Variants in RBM33 observed in about 807,000 individuals in gnomAD.
RBM33 encodes the protein RNA binding motif protein 33.
Under a neutral mutation model 132.6 loss-of-function variants are expected in RBM33, and 28 were observed. The ratio of observed to expected loss-of-function variants is 0.21; its 90% CI spans 0.16 to 0.29. The LOEUF (loss-of-function observed/expected upper bound fraction) is 0.29, where lower values mean the gene tolerates loss of function less well. RBM33 is among the 10% of genes least tolerant of loss of function. RBM33 has a pLI of 1.00. For synonymous variants in RBM33, 634 were observed against 593.0 expected (o/e 1.07, Z -1.01); for missense variants, 1,291 against 1,518.5 (o/e 0.85, Z 2.49).
intron 9 of RBM33, among the ~76,000 whole-genome samples, chr7:155,732,378 A>G (rs1800980623): frequency 6.6e-6 from 1 of 152,212 alleles, no homozygotes; most frequent in African/African-American, 2.4e-5. Context: ...CCCTTTCTCT[A>G]AAAGTACATT....
At chr7:155,698,705 C>G (rs1396721917) in intron 5 of RBM33, among the ~76,000 whole-genome samples, 1 of 152,172 alleles carries the variant, frequency 6.6e-6, no homozygotes, top group Non-Finnish European at 1.5e-5. Flanking sequence ...TTCCTTCTTT[C>G]CTAACCACTG....
intron 2 of RBM33, among the ~76,000 whole-genome samples, chr7:155,669,268 A>G (rs1396970411): frequency 6.6e-6 from 1 of 152,192 alleles, no homozygotes; most frequent in Non-Finnish European, 1.5e-5. Context: ...TTGCTGAACC[A>G]ACACCTGAAA....
rs867847653 is a variant in RBM33 at position 155,774,614 on chromosome 7, C to T, written c.3431C>T (p.Ala1144Val). Residue 1144 changes from alanine (A) to valine (V), a missense_variant, in exon 17 of 18, where the codon GCC (alanine) becomes GTC (valine). Around this residue, in one of 7 missense-constraint regions of RBM33, gnomAD observed 55 missense variants for 101.4 expected, o/e 0.54. Coordinates refer to ENST00000401878, the MANE Select transcript of RBM33 (RefSeq NM_053043.3). This position sits in a 1 kb window ranked among gnomAD's most constrained non-coding sequence, Gnocchi z 4.2. ...GCCATAGCTAAGTTCAAGGAGCCAG[C>T]CCACGCATTAGCATTTCAGCAGAAA... ...RKAIAKFKEP[A>V]HALAFQQKFH... 6.2e-7 allele frequency: 1 copy of T among 1,613,808 alleles called. No individual in the cohort carries two copies. Among genetic ancestry groups the T allele is most frequent in the Non-Finnish European group, 8.5e-7 (1 of 1,179,832 alleles).
intron 6 of RBM33, among the ~76,000 whole-genome samples, chr7:155,703,637 A>G (rs1254834710): frequency 6.6e-6 from 1 of 152,174 alleles, no homozygotes. Context: ...CCGTCAAAAG[A>G]TTGGTTTCCT....
rs1418966856 is a variant in RBM33 at position 155,673,753 on chromosome 7, T to TACGC, written c.171+839_171+842dup. Among the ~76,000 whole-genome samples, 114 of 48,888 alleles carry TACGC rather than the reference T, an allele frequency of 2.3e-3. 6 individuals carry two copies. Among genetic ancestry groups the TACGC allele is most frequent in the Non-Finnish European group, 3.5e-3 (80 of 22,992 alleles). 32.1% of individuals were successfully genotyped at this position (48,888 alleles called of 152,430 possible). The stretch of plus-strand genomic sequence containing the variant: ...ACATATATACATACACACGTGTATA[T>TACGC]ACGCGCGCATGCGCGCACACACACA... On this transcript the variant is annotated intron_variant, in intron 3 of 17. Transcript: ENST00000401878.
At chr7:155,756,827 G>C (rs1005854796) in intron 14 of RBM33, among the ~76,000 whole-genome samples, 3 of 151,966 alleles carry the variant, frequency 2.0e-5, no homozygotes, top group Middle Eastern at 3.2e-3. Context: ...GTAGCTTGGT[G>C]GTGGGTAGCA....
intron 9 of RBM33, among the ~76,000 whole-genome samples, chr7:155,730,488 T>C (rs1025748037): frequency 6.6e-6 from 1 of 152,240 alleles, no homozygotes; most frequent in Non-Finnish European, 1.5e-5. Flanking sequence ...CTAAGGACTT[T>C]CCTGCCCCTG....
chr7:155,764,450 A>G (rs1802147341), intron 15 of RBM33, among the ~76,000 whole-genome samples: 1 of 152,264 alleles, frequency 6.6e-6, no homozygotes, highest in Non-Finnish European at 1.5e-5. Context: ...GAAATGAAGT[A>G]ACTTGCTCTA....
Position 155,781,468 on chromosome 7 carries a change from C to T in RBM33, c.*6427C>T, listed in dbSNP as rs772100133. On this transcript the variant is annotated 3_prime_UTR_variant, in exon 18 of 18. Transcript: ENST00000401878. ...AATTTGGAAGTCGTGTTAATAAAAC[C>T]CTGCAGTTTCCACTCTGGTTCCGTA... 2 of 152,186 alleles carry T rather than the reference C, an allele frequency of 1.3e-5. No homozygotes were observed. Among genetic ancestry groups the T allele is most frequent in the Non-Finnish European group, 2.9e-5 (2 of 68,054 alleles). 9.4% of individuals were successfully genotyped at this position (152,186 alleles called of 1,614,324 possible).
At chr7:155,768,192 G>A (rs1175627725) in intron 16 of RBM33, among the ~76,000 whole-genome samples, 1 of 152,180 alleles carries the variant, frequency 6.6e-6, no homozygotes, top group Non-Finnish European at 1.5e-5. Context: ...GAATATTTTT[G>A]AGTGTGATCG....
Position 155,644,673 on chromosome 7 carries a change from G to A in RBM33, c.-204G>A. 2.4e-6 allele frequency: 1 copy of A among 421,676 alleles called. No homozygotes were observed. Among genetic ancestry groups the A allele is most frequent in the Non-Finnish European group, 4.2e-6 (1 of 239,300 alleles). 26.1% of individuals were successfully genotyped at this position (421,676 alleles called of 1,614,324 possible). The stretch of plus-strand genomic sequence containing the variant: ...GGTGCACCGCGGCGGGCGCGGGCGC[G>A]CGGCCATGTTGCGGTAGTTTGTTGT... On this transcript the variant is annotated 5_prime_UTR_variant, in exon 1 of 18. Coordinates refer to ENST00000401878, the MANE Select transcript of RBM33 (RefSeq NM_053043.3).
At chr7:155,734,914 A>T (rs918562345) in intron 9 of RBM33, among the ~76,000 whole-genome samples, 1 of 152,006 alleles carries the variant, frequency 6.6e-6, no homozygotes, top group Non-Finnish European at 1.5e-5. Flanking sequence ...TTTTGAAATA[A>T]TGCAGAACCT....
intron 16 of RBM33, among the ~76,000 whole-genome samples, chr7:155,769,370 C>A (rs962816057): frequency 2.6e-5 from 4 of 152,190 alleles, no homozygotes; most frequent in Non-Finnish European, 5.9e-5. Flanking sequence ...CACAGCCTCC[C>A]TGGCTGGGCC....
intron 8 of RBM33, among the ~76,000 whole-genome samples, chr7:155,713,021 G>A (rs1244949622): frequency 6.6e-6 from 1 of 152,228 alleles, no homozygotes; most frequent in East Asian, 1.9e-4. Context: ...AGCAGGGAGA[G>A]TGCAGAGAGC....
At chr7:155,650,206 G>A (rs1798318499) in intron 1 of RBM33, among the ~76,000 whole-genome samples, 1 of 152,232 alleles carries the variant, frequency 6.6e-6, no homozygotes, top group African/African-American at 2.4e-5. Flanking sequence ...TTCTGAAGGG[G>A]TGGTCTCTGA....
At chr7:155,699,914 T>C (rs1317098457) in intron 5 of RBM33, among the ~76,000 whole-genome samples, 1 of 152,202 alleles carries the variant, frequency 6.6e-6, no homozygotes, top group Non-Finnish European at 1.5e-5. Flanking sequence ...CTCCTTACAT[T>C]GATAAAAAGT....
chr7:155,745,278 C>T lies in RBM33; in HGVS notation c.2655C>T (p.Asn885=), dbSNP rs141353967. ...LVKNQDVSIS[N]VQPKTSNFVP... is the part of the protein sequence containing the mutation. The stretch of plus-strand genomic sequence containing the variant: ...AAAACCAGGATGTCAGTATTTCAAA[C>T]GTTCAGCCCAAAACATCCAATTTTG... Residue 885 remains asparagine (N), a synonymous_variant, in exon 14 of 18, where the codon AAC becomes AAT. Coordinates refer to ENST00000401878, the MANE Select transcript of RBM33 (RefSeq NM_053043.3). The surrounding 1 kb of genome is among the most constrained non-coding windows in gnomAD (Gnocchi z 4.1). 113 of 1,612,664 alleles carry T rather than the reference C, an allele frequency of 7.0e-5. 1 individual carries two copies. Among genetic ancestry groups the T allele is most frequent in the African/African-American group, 1.1e-4 (8 of 74,918 alleles).
intron 8 of RBM33, among the ~76,000 whole-genome samples, chr7:155,711,869 G>A (rs1800313155): frequency 6.6e-6 from 1 of 152,214 alleles, no homozygotes; most frequent in Non-Finnish European, 1.5e-5. Flanking sequence ...ATAGATTACT[G>A]TGCATCTGAA....
Position 155,648,356 on chromosome 7 carries a change from A to T in RBM33, c.43+3437A>T, listed in dbSNP as rs190798299. ...TAAACTAGCCGAGAAAAGTTCAGCC[A>T]CCTAGCTGTTAAGAAAGGGAAGTAG... On this transcript the variant is annotated intron_variant, in intron 1 of 17. Coordinates refer to ENST00000401878, the MANE Select transcript of RBM33 (RefSeq NM_053043.3). Among the ~76,000 whole-genome samples, 415 of 152,312 alleles carry T rather than the reference A, an allele frequency of 2.7e-3. 1 individual carries two copies. The highest frequency in any genetic ancestry group is 6.6e-3 in the Admixed American group (101 of 15,300).
Sources: allele counts gnomAD v4.1 joint callset (sites outside exome capture counted in the v4.1 genomes callset), GRCh38; gene constraint gnomAD v4.1.1; regional missense constraint gnomAD v4.1.1; non-coding constraint Gnocchi (gnomAD v3.1); transcripts MANE v1.5; gene names NCBI Gene and HGNC (gene_info 2026-07-23, HGNC 2026-07-21).